PCLO: variants seen among roughly 807,000 people sequenced by gnomAD.
PCLO encodes the protein protein piccolo.
In PCLO, 82 loss-of-function variants were observed where a neutral mutation model predicts 427.5. The ratio of observed to expected loss-of-function variants is 0.19; its 90% confidence interval spans 0.16 to 0.23. The LOEUF (loss-of-function observed/expected upper bound fraction) is 0.23. PCLO is among the 10% of genes least tolerant of loss of function. The pLI is 1.00. For missense variants in PCLO, 6,239 were observed against 6,115.9 expected (o/e 1.02, Z -0.67); for synonymous variants, 2,357 against 2,155.4 (o/e 1.09, Z -2.59).
At chr7:83,148,391 T>G (rs1792046855) in intron 2 of PCLO, among the ~76,000 whole-genome samples, 1 of 152,204 alleles carries the variant, frequency 6.6e-6, no homozygotes, top group African/African-American at 2.4e-5. Context: ...TATGTTTTAT[T>G]TATTTATGAC....
intron 6 of PCLO, among the ~76,000 whole-genome samples, chr7:82,923,057 T>C (rs145412391): frequency 7.4e-4 from 112 of 152,144 alleles, no homozygotes; most frequent in Non-Finnish European, 1.6e-4. Flanking sequence ...GTAAACAAGA[T>C]ATTTTGATAC....
At chr7:83,138,269 T>C (rs1026571004) in intron 2 of PCLO, among the ~76,000 whole-genome samples, 3 of 152,244 alleles carry the variant, frequency 2.0e-5, no homozygotes, top group Non-Finnish European at 4.4e-5. Context: ...TTATTCTTTT[T>C]AACAAGCGTC....
At chr7:82,919,965 G>T (rs576588099) in intron 6 of PCLO, among the ~76,000 whole-genome samples, 1 of 152,060 alleles carries the variant, frequency 6.6e-6, no homozygotes, top group Admixed American at 6.6e-5. Context: ...AAGCATGTGT[G>T]TGAGGGGTGT....
intron 6 of PCLO, among the ~76,000 whole-genome samples, chr7:82,946,662 G>T (rs1329643501): frequency 6.6e-6 from 1 of 152,098 alleles, no homozygotes; most frequent in African/African-American, 2.4e-5. Flanking sequence ...GCCTGTGGTC[G>T]GAGCAGAGTG....
chr7:82,925,004 C>T (rs1584162674), intron 6 of PCLO, among the ~76,000 whole-genome samples: 1 of 152,130 alleles, frequency 6.6e-6, no homozygotes, highest in South Asian at 2.1e-4. Context: ...GGAAATTGCT[C>T]TTAGGGTCAT....
At chr7:83,093,492 A>ATTTTTTTTTTTTTTTTTTT (rs1169852004) in intron 3 of PCLO, among the ~76,000 whole-genome samples, 2 of 59,318 alleles carry the variant, frequency 3.4e-5, no homozygotes, top group Non-Finnish European at 6.5e-5. Flanking sequence ...ATATATATAT[A>ATTTTTTTTTTTTTTTTTTT]TTTTTTTTTT....
intron 4 of PCLO, among the ~76,000 whole-genome samples, chr7:82,959,797 T>A (rs1268263289): frequency 6.6e-6 from 1 of 152,176 alleles, no homozygotes; most frequent in Non-Finnish European, 1.5e-5. Flanking sequence ...ATGATTTTTT[T>A]TCCCCTAAAT....
At chr7:83,057,841 G>GA (rs2116300113) in intron 3 of PCLO, among the ~76,000 whole-genome samples, 1 of 151,600 alleles carries the variant, frequency 6.6e-6, no homozygotes, top group East Asian at 1.9e-4. Flanking sequence ...AAAGTATACT[G>GA]AAGAAAATAC....
intron 3 of PCLO, among the ~76,000 whole-genome samples, chr7:82,967,964 T>C (rs545441075): frequency 1.3e-5 from 2 of 152,212 alleles, no homozygotes. Context: ...TGGCTCACTC[T>C]TTCTAGTTGC....
intron 9 of PCLO, among the ~76,000 whole-genome samples, chr7:82,897,533 C>A (rs988137484): frequency 2.0e-5 from 3 of 151,346 alleles, no homozygotes; most frequent in African/African-American, 7.3e-5. Flanking sequence ...TTATAAATTC[C>A]TTGACTGTTG....
intron 6 of PCLO, among the ~76,000 whole-genome samples, chr7:82,920,495 T>A (rs1269171995): frequency 6.6e-6 from 1 of 151,290 alleles, no homozygotes; most frequent in Non-Finnish European, 1.5e-5. Context: ...GAGAAGGGAA[T>A]AAAAAGCCCT....
At chr7:83,001,259 G>T (rs184111347) in intron 3 of PCLO, among the ~76,000 whole-genome samples, 1 of 151,860 alleles carries the variant, frequency 6.6e-6, no homozygotes, top group Non-Finnish European at 1.5e-5. Flanking sequence ...GATTCAAGAC[G>T]TACGGGTACA....
At chr7:82,926,951 T>C (rs1794726112) in intron 6 of PCLO, among the ~76,000 whole-genome samples, 1 of 152,166 alleles carries the variant, frequency 6.6e-6, no homozygotes, top group African/African-American at 2.4e-5. Context: ...CAGACGGCTA[T>C]ACTACAACAA....
chr7:83,065,711 A>G (rs977332407), intron 3 of PCLO, among the ~76,000 whole-genome samples: 5 of 152,100 alleles, frequency 3.3e-5, no homozygotes, highest in African/African-American at 1.2e-4. Context: ...AATTATTTCC[A>G]TTATACAAAA....
chr7:82,853,950 T>A (rs1430973270), intron 10 of PCLO, among the ~76,000 whole-genome samples: 2 of 152,176 alleles, frequency 1.3e-5, no homozygotes, highest in African/African-American at 4.8e-5. Flanking sequence ...TATGCATTTT[T>A]TGAGCTGAAG....
chr7:82,874,154 C>T (rs1793310022), intron 10 of PCLO, among the ~76,000 whole-genome samples: 1 of 150,370 alleles, frequency 6.7e-6, no homozygotes, highest in African/African-American at 2.4e-5. Flanking sequence ...AATAAGTATC[C>T]TACTTTTGAA....
chr7:82,935,221 A>T (rs867017605), intron 6 of PCLO, among the ~76,000 whole-genome samples: 84 of 139,292 alleles, frequency 6.0e-4, no homozygotes, highest in Middle Eastern at 3.7e-3. Flanking sequence ...AAAAAAAAAA[A>T]TTAGGATTTG....
At chr7:82,918,633 C>T (rs79320294) in intron 6 of PCLO, among the ~76,000 whole-genome samples, 10,437 of 152,000 alleles carry the variant, frequency 0.069, 488 homozygotes, top group East Asian at 0.2. Flanking sequence ...CTGATTATAA[C>T]GTTGTTCAAC....
chr7:82,893,622 T>A (rs902421806), intron 9 of PCLO, among the ~76,000 whole-genome samples: 14 of 151,904 alleles, frequency 9.2e-5, no homozygotes, highest in Non-Finnish European at 1.2e-4. Flanking sequence ...TATAACAGGA[T>A]TAGGACACAG....
Sources: allele counts gnomAD v4.1 joint callset (sites outside exome capture counted in the v4.1 genomes callset), GRCh38; gene constraint gnomAD v4.1.1; transcripts MANE v1.5; gene names NCBI Gene and HGNC (gene_info 2026-07-23, HGNC 2026-07-21).